The following KANSL1 variants were observed in gnomAD, a reference collection of about 807,000 sequenced individuals.
KANSL1 encodes the protein MLL1/MLL complex subunit KANSL1.
Under a neutral mutation model 103.6 loss-of-function variants are expected in KANSL1, and 22 were observed. The observed-to-expected ratio is 0.21, with a 90% confidence interval of 0.15 to 0.30. The LOEUF (loss-of-function observed/expected upper bound fraction) is 0.30. Among genes scored for constraint, KANSL1 ranks in the 10% least tolerant of loss-of-function variants. The pLI, the probability that KANSL1 is intolerant of heterozygous loss-of-function variation, is 1.00. For missense variants in KANSL1, 1,337 were observed against 1,399.8 expected (o/e 0.96, Z 0.72); for synonymous variants, 600 against 527.6 (o/e 1.14, Z -1.88).
intron 2 of KANSL1, among the ~76,000 whole-genome samples, chr17:46,142,261 C>T (rs1248510482): frequency 1.3e-5 from 2 of 152,192 alleles, no homozygotes; most frequent in Non-Finnish European, 2.9e-5. Flanking sequence ...TCTAACTTAT[C>T]CAAGTTTGAC....
At chr17:46,200,346 T>G (rs2047757809) in intron 1 of KANSL1, among the ~76,000 whole-genome samples, 1 of 152,140 alleles carries the variant, frequency 6.6e-6, no homozygotes. Flanking sequence ...AAGGCAGCTG[T>G]GAGCAGCCAA....
chr17:46,135,587 C>T (rs1017376200), intron 2 of KANSL1, among the ~76,000 whole-genome samples: 1 of 147,472 alleles, frequency 6.8e-6, no homozygotes, highest in Non-Finnish European at 1.5e-5. Flanking sequence ...CTCTGTTGCC[C>T]AGACTGGAGT....
intron 2 of KANSL1, among the ~76,000 whole-genome samples, chr17:46,094,930 A>T (rs1290846322): frequency 1.3e-5 from 2 of 152,216 alleles, no homozygotes; most frequent in Non-Finnish European, 2.9e-5. Flanking sequence ...TAGCATCCTG[A>T]TCCTGTGGCA....
At chr17:46,161,430 T>C (rs2045737011) in intron 2 of KANSL1, among the ~76,000 whole-genome samples, 1 of 150,154 alleles carries the variant, frequency 6.7e-6, no homozygotes. Context: ...AGCGAGACTC[T>C]GTCTCAAAAA....
At chr17:46,075,361 C>T (rs1045568477) in intron 4 of KANSL1, among the ~76,000 whole-genome samples, 8 of 147,360 alleles carry the variant, frequency 5.4e-5, no homozygotes, top group Admixed American at 2.1e-4. Flanking sequence ...TTCTTTCTGA[C>T]ACAATCTCGC....
intron 2 of KANSL1, among the ~76,000 whole-genome samples, chr17:46,168,713 T>C (rs912422729): frequency 2.0e-5 from 3 of 152,250 alleles, no homozygotes; most frequent in African/African-American, 7.2e-5. Context: ...TACCCAAATA[T>C]GATCTAACGC....
At chr17:46,155,814 T>TTA (rs1370976902) in intron 2 of KANSL1, among the ~76,000 whole-genome samples, 1 of 152,120 alleles carries the variant, frequency 6.6e-6, no homozygotes, top group Non-Finnish European at 1.5e-5. Flanking sequence ...ACACCTATAA[T>TTA]ACCAACACTT....
At chr17:46,137,221 C>T (rs1359726215) in intron 2 of KANSL1, among the ~76,000 whole-genome samples, 3 of 152,246 alleles carry the variant, frequency 2.0e-5, no homozygotes, top group African/African-American at 7.2e-5. Context: ...ACCCTACTCA[C>T]TTATTCTCTA....
At chr17:46,054,225 T>C (rs1047990612) in intron 6 of KANSL1, among the ~76,000 whole-genome samples, 1 of 152,238 alleles carries the variant, frequency 6.6e-6, no homozygotes, top group South Asian at 2.1e-4. Flanking sequence ...GCTAATCTTT[T>C]ATATTTTTAG....
chr17:46,222,157 A>G (rs1266712136), intron 1 of KANSL1: 3 of 149,610 alleles, frequency 2.0e-5, no homozygotes, highest in Non-Finnish European at 1.5e-5. Flanking sequence ...GTAACTCACG[A>G]TATGGAGCTG....
chr17:46,174,427 C>T (rs1380444517), intron 1 of KANSL1, among the ~76,000 whole-genome samples: 4 of 152,218 alleles, frequency 2.6e-5, no homozygotes, highest in Admixed American at 2.0e-4. Flanking sequence ...TCATGATCCG[C>T]CCACCTCGGC....
intron 6 of KANSL1, among the ~76,000 whole-genome samples, chr17:46,051,869 T>C (rs1215050363): frequency 6.6e-6 from 1 of 152,122 alleles, no homozygotes; most frequent in Non-Finnish European, 1.5e-5. Flanking sequence ...TTATCAACAT[T>C]CCCCCGACAT....
At chr17:46,110,020 G>C (rs1268258466) in intron 2 of KANSL1, among the ~76,000 whole-genome samples, 1 of 152,180 alleles carries the variant, frequency 6.6e-6, no homozygotes, top group Non-Finnish European at 1.5e-5. Flanking sequence ...CTTAACTGTA[G>C]AACAGTGATG....
chr17:46,192,907 A>AGGGCCAGCGGCGGGCGG lies in KANSL1; in HGVS notation c.-191_-175dup, dbSNP rs2047417241. On this transcript the variant is annotated 5_prime_UTR_variant, in exon 1 of 15. Transcript: ENST00000432791. Reference sequence around the variant, plus strand: ...AAACAGCCCCCCGGCCTGGGCGCCGAGGGCCAGCGGCGGGCGGGGGCGCGC... The same window carrying AGGGCCAGCGGCGGGCGG: ...AAACAGCCCCCCGGCCTGGGCGCCGAGGGCCAGCGGCGGGCGGGGGCCAGCGGCGGGCGGGGGCGCGC... The AGGGCCAGCGGCGGGCGG allele has an allele frequency of 6.6e-6, 1 of 151,978 alleles. No homozygotes were observed. The highest frequency in any genetic ancestry group is 6.6e-5 in the Admixed American group (1 of 15,218). The allele number at this position is 151,978 out of a possible 1,614,324, so 9.4% of individuals were successfully genotyped here.
At chr17:46,124,565 A>G (rs2043429275) in intron 2 of KANSL1, among the ~76,000 whole-genome samples, 1 of 152,226 alleles carries the variant, frequency 6.6e-6, no homozygotes, top group Non-Finnish European at 1.5e-5. Context: ...CTGTAAGGCT[A>G]TAGCTGCCAT....
rs1476408654 is a variant in KANSL1, at chr17:46,171,167, T to C, written c.977A>G (p.Glu326Gly). Reference sequence around the variant, plus strand: ...GTTTGGCAGTTTGCTCAAAGTCTTCTCCAAAAATCCACCCAGCTGATGTTG... The same window carrying C: ...GTTTGGCAGTTTGCTCAAAGTCTTCCCCAAAAATCCACCCAGCTGATGTTG... ...HIQHQLGGFL[E>G]KTLSKLPNLE... is the part of the protein sequence containing the mutation. The change falls in exon 2 of 15, where the codon GAG becomes GGG. Residue 326 changes from glutamate to glycine, a missense_variant. Glu to Gly is a moderately conservative substitution (Grantham distance 98). Coordinates refer to ENST00000432791, the MANE Select transcript of KANSL1 (RefSeq NM_015443.4). 3.7e-6 allele frequency: 6 copies of C among 1,614,148 alleles called. No homozygotes were observed. The highest frequency in any genetic ancestry group is 4.2e-6 in the Non-Finnish European group (5 of 1,180,048).
chr17:46,101,014 A>G (rs1332271486), intron 2 of KANSL1, among the ~76,000 whole-genome samples: 1 of 152,252 alleles, frequency 6.6e-6, no homozygotes, highest in Non-Finnish European at 1.5e-5. Context: ...TAAATTGACA[A>G]AGGATTATGT....
chr17:46,143,450 C>T (rs1356921623), intron 2 of KANSL1, among the ~76,000 whole-genome samples: 4 of 152,030 alleles, frequency 2.6e-5, no homozygotes, highest in Non-Finnish European at 4.4e-5. Context: ...GCTGAGATCA[C>T]GCCATTGTGC....
chr17:46,096,302 C>CTTTTTTTTTTTTTTTT (rs1273083741), intron 2 of KANSL1, among the ~76,000 whole-genome samples: 1 of 82,560 alleles, frequency 1.2e-5, no homozygotes, highest in Non-Finnish European at 2.3e-5. Context: ...ACATACCTGG[C>CTTTTTTTTTTTTTTTT]TTTTTTTTCT....
Sources: allele counts gnomAD v4.1 joint callset (sites outside exome capture counted in the v4.1 genomes callset), GRCh38; gene constraint gnomAD v4.1.1; transcripts MANE v1.5; gene names NCBI Gene and HGNC (gene_info 2026-07-23, HGNC 2026-07-21).